The following CNOT2 variants were observed in gnomAD, a reference collection of about 807,000 sequenced individuals.
The protein encoded by CNOT2 is CCR4-NOT transcription complex subunit 2, also known as CC chemokine receptor 4-negative regulator of transcription 2.
Under a neutral mutation model 72.1 loss-of-function variants are expected in CNOT2, and 7 were observed. The observed-to-expected ratio is 0.10, with a 90% CI of 0.06 to 0.18. The LOEUF is 0.18. Among genes scored for constraint, CNOT2 ranks in the 10% least tolerant of loss-of-function variants. CNOT2 has a pLI of 1.00. For synonymous variants in CNOT2, 196 were observed against 225.6 expected (o/e 0.87, Z 1.17); for missense variants, 345 against 660.3 (o/e 0.52, Z 5.23).
At chr12:70,273,502 T>C (rs933876359) in intron 1 of CNOT2, among the ~76,000 whole-genome samples, 16 of 152,152 alleles carry the variant, frequency 1.1e-4, no homozygotes, top group African/African-American at 3.9e-4. Flanking sequence ...GGAAATTAAA[T>C]CACACAGAAG....
At chr12:70,331,406 CT>C (rs1879919787) in intron 6 of CNOT2, 1 of 151,734 alleles carries the variant, frequency 6.6e-6, no homozygotes, top group Non-Finnish European at 1.5e-5. Context: ...TCCTTGATAC[CT>C]TTCTAACCTT....
chr12:70,254,162 C>T (rs1958296932), intron 1 of CNOT2, among the ~76,000 whole-genome samples: 1 of 151,070 alleles, frequency 6.6e-6, no homozygotes, highest in Non-Finnish European at 1.5e-5. Context: ...CGCTTGAACC[C>T]GGGAGGTGGA....
chr12:70,347,204 G>GT (rs1208134573), intron 15 of CNOT2, among the ~76,000 whole-genome samples: 1 of 151,736 alleles, frequency 6.6e-6, no homozygotes, highest in Non-Finnish European at 1.5e-5. Context: ...TTGTCAATTT[G>GT]TTTTTTTGTT....
At chr12:70,339,014 A>ATGTGTGTGTGTGTGTGTGTG (rs143055295) in intron 11 of CNOT2, among the ~76,000 whole-genome samples, 192 bp downstream of exon 11, 2 of 130,966 alleles carry the variant, frequency 1.5e-5, no homozygotes, top group East Asian at 2.5e-4. Context: ...TTGGCATTTT[A>ATGTGTGTGTGTGTGTGTGTG]TGTGTGTGTG....
At chr12:70,301,522 G>C (rs142541257) in intron 2 of CNOT2, among the ~76,000 whole-genome samples, 1 of 152,036 alleles carries the variant, frequency 6.6e-6, no homozygotes, top group Non-Finnish European at 1.5e-5. Context: ...GCTGGACTAC[G>C]TTTATTGATT....
intron 2 of CNOT2, among the ~76,000 whole-genome samples, chr12:70,278,778 C>T (rs998732788): frequency 1.3e-5 from 2 of 152,094 alleles, no homozygotes; most frequent in African/African-American, 2.4e-5. Context: ...TCCTTAAATG[C>T]TAGATTCTTG....
chr12:70,250,111 A>T (rs1362920410), intron 1 of CNOT2, among the ~76,000 whole-genome samples: 3 of 152,178 alleles, frequency 2.0e-5, no homozygotes, highest in African/African-American at 7.2e-5. Context: ...TTGTGTGTGT[A>T]TATGACTCAT....
chr12:70,252,609 A>G (rs1370931249), intron 1 of CNOT2, among the ~76,000 whole-genome samples: 2 of 152,150 alleles, frequency 1.3e-5, no homozygotes, highest in East Asian at 1.9e-4. Context: ...GAGCTGATCT[A>G]TCTGCTATTA....
intron 2 of CNOT2, among the ~76,000 whole-genome samples, chr12:70,291,085 T>G (rs1871816294): frequency 6.6e-6 from 1 of 152,208 alleles, no homozygotes; most frequent in African/African-American, 2.4e-5. Context: ...TCAATTTAAC[T>G]TAAAAATTGG....
intron 1 of CNOT2, among the ~76,000 whole-genome samples, chr12:70,246,016 T>C (rs1408470688): frequency 6.6e-6 from 1 of 152,168 alleles, no homozygotes; most frequent in Admixed American, 6.5e-5. Context: ...CATTACAGAA[T>C]TTTTTACAAC....
chr12:70,270,702 C>A (rs578253573), intron 1 of CNOT2, among the ~76,000 whole-genome samples: 9 of 152,204 alleles, frequency 5.9e-5, no homozygotes, highest in Non-Finnish European at 1.3e-4. Context: ...ATTCTTAGTC[C>A]TGAGTATTCT....
At chr12:70,280,753 T>C (rs76963444) in intron 2 of CNOT2, among the ~76,000 whole-genome samples, 234 of 152,304 alleles carry the variant, frequency 1.5e-3, no homozygotes, top group African/African-American at 5.6e-3. Flanking sequence ...ATGGGCTTGG[T>C]TTGAAGTATT....
intron 2 of CNOT2, among the ~76,000 whole-genome samples, chr12:70,298,070 T>A (rs1873136256): frequency 6.6e-6 from 1 of 152,208 alleles, no homozygotes; most frequent in African/African-American, 2.4e-5. Context: ...TAATAGTATT[T>A]CTTTTAAGCA....
intron 3 of CNOT2, among the ~76,000 whole-genome samples, chr12:70,313,887 C>T (rs1461638074): frequency 1.3e-5 from 2 of 152,042 alleles, no homozygotes; most frequent in Non-Finnish European, 2.9e-5. Context: ...GTGTCTCATA[C>T]ATTCTTGGGC....
At chr12:70,343,403 A>G (rs1881758201) in intron 13 of CNOT2, among the ~76,000 whole-genome samples, 1 of 152,196 alleles carries the variant, frequency 6.6e-6, no homozygotes, top group Non-Finnish European at 1.5e-5. Context: ...TATTGAACCT[A>G]TGTTTTACAG....
At chr12:70,245,657 G>A (rs11831890) in intron 1 of CNOT2, among the ~76,000 whole-genome samples, 13 of 152,244 alleles carry the variant, frequency 8.5e-5, no homozygotes, top group African/African-American at 3.1e-4. Flanking sequence ...GCTTGTGTAT[G>A]AGTGATTTAT....
At chr12:70,283,639 A>T (rs574809071) in intron 2 of CNOT2, among the ~76,000 whole-genome samples, 38 of 139,308 alleles carry the variant, frequency 2.7e-4, no homozygotes, top group African/African-American at 9.4e-4. Flanking sequence ...CTAATGAAAG[A>T]ATGAGTTTAA....
At chr12:70,248,452 T>A (rs1485706532) in intron 1 of CNOT2, among the ~76,000 whole-genome samples, 4 of 152,204 alleles carry the variant, frequency 2.6e-5, no homozygotes, top group African/African-American at 9.6e-5. Flanking sequence ...TTTCTTAATC[T>A]GATTTTCCTA....
At chr12:70,304,618 G>C (rs192064451) in intron 2 of CNOT2, among the ~76,000 whole-genome samples, 5 of 152,204 alleles carry the variant, frequency 3.3e-5, no homozygotes, top group Non-Finnish European at 7.4e-5. Context: ...CTACTGGGGG[G>C]TCAGGGACCC....
Sources: allele counts gnomAD v4.1 joint callset (sites outside exome capture counted in the v4.1 genomes callset), GRCh38; gene constraint gnomAD v4.1.1; transcripts MANE v1.5; gene names NCBI Gene and HGNC (gene_info 2026-07-23, HGNC 2026-07-21).